The following LRRTM4 variants were observed in gnomAD, a reference collection of about 807,000 sequenced individuals.
LRRTM4 encodes leucine rich repeat transmembrane neuronal 4.
In LRRTM4, 25 loss-of-function variants were observed where a neutral mutation model predicts 47.6. That is an observed-to-expected ratio of 0.53 (90% CI 0.38 to 0.73). The LOEUF (loss-of-function observed/expected upper bound fraction) is 0.73, where lower values mean the gene tolerates loss of function less well. LRRTM4 is among the 30% of genes least tolerant of loss of function. LRRTM4 has a pLI of 0.00. For synonymous variants in LRRTM4, 311 were observed against 269.5 expected, an observed-to-expected ratio of 1.15 and a Z score of -1.51; for missense variants, 638 against 713.4, an observed-to-expected ratio of 0.89 and a Z score of 1.20.
chr2:77,128,907 T>C (rs1441790827), intron 3 of LRRTM4, among the ~76,000 whole-genome samples: 2 of 152,226 alleles, frequency 1.3e-5, no homozygotes, highest in Non-Finnish European at 2.9e-5. Context: ...CCCAAAGTGA[T>C]GGGATTATAG....
chr2:77,279,533 G>A (rs924085312), intron 3 of LRRTM4, among the ~76,000 whole-genome samples: 2 of 151,770 alleles, frequency 1.3e-5, no homozygotes, highest in Admixed American at 1.3e-4. Flanking sequence ...AAAACTATGG[G>A]ATAACATGCT....
intron 3 of LRRTM4, among the ~76,000 whole-genome samples, chr2:77,516,187 T>C (rs1679202222): frequency 6.6e-6 from 1 of 151,922 alleles, no homozygotes; most frequent in Non-Finnish European, 1.5e-5. Context: ...CATTACTTAA[T>C]GCCTTAACAA....
intron 3 of LRRTM4, among the ~76,000 whole-genome samples, chr2:76,997,924 C>T (rs1316860986): frequency 6.6e-6 from 1 of 151,940 alleles, no homozygotes; most frequent in Non-Finnish European, 1.5e-5. Flanking sequence ...ATCTAGGTTG[C>T]ACACTCCTTA....
intron 3 of LRRTM4, among the ~76,000 whole-genome samples, chr2:76,836,705 T>C (rs983323005): frequency 6.6e-6 from 1 of 152,096 alleles, no homozygotes; most frequent in African/African-American, 2.4e-5. Context: ...TTTCTCCAAA[T>C]GCACACATTT....
At chr2:77,459,759 CAAA>C (rs59472827) in intron 3 of LRRTM4, among the ~76,000 whole-genome samples, 87 of 126,296 alleles carry the variant, frequency 6.9e-4, no homozygotes, top group Middle Eastern at 4.4e-3. Context: ...CTGGTTTTAG[CAAA>C]AAAAAAAAAA....
intron 3 of LRRTM4, among the ~76,000 whole-genome samples, chr2:77,174,550 C>T (rs1467315992): frequency 6.6e-6 from 1 of 152,154 alleles, no homozygotes; most frequent in East Asian, 1.9e-4. Flanking sequence ...TTAGCATATG[C>T]AGTCATCACC....
chr2:76,771,870 G>A (rs79949184), intron 3 of LRRTM4, among the ~76,000 whole-genome samples: 5,608 of 152,106 alleles, frequency 0.037, 137 homozygotes, highest in East Asian at 0.088. Flanking sequence ...ACGATGAGGA[G>A]TTTGAGGGAC....
chr2:77,350,710 A>C (rs1429141315), intron 3 of LRRTM4, among the ~76,000 whole-genome samples: 2 of 152,192 alleles, frequency 1.3e-5, no homozygotes, highest in Admixed American at 1.3e-4. Flanking sequence ...AAACAGACTA[A>C]AACAGGACAA....
intron 3 of LRRTM4, among the ~76,000 whole-genome samples, chr2:76,919,195 G>C (rs978821541): frequency 2.6e-5 from 4 of 152,064 alleles, no homozygotes; most frequent in African/African-American, 9.7e-5. Flanking sequence ...GAGGTTGGCA[G>C]TGGGAGTTCA....
chr2:77,424,491 G>T (rs1668866508), intron 3 of LRRTM4, among the ~76,000 whole-genome samples: 2 of 152,100 alleles, frequency 1.3e-5, no homozygotes, highest in South Asian at 4.1e-4. Context: ...GTTAATAATA[G>T]ACATGAAGTA....
intron 3 of LRRTM4, among the ~76,000 whole-genome samples, chr2:76,828,099 T>C (rs1290609372): frequency 2.0e-5 from 3 of 151,960 alleles, no homozygotes; most frequent in Non-Finnish European, 2.9e-5. Flanking sequence ...AATCATTTAT[T>C]TGGTCACTTC....
At chr2:77,250,746 C>T (rs887136317) in intron 3 of LRRTM4, among the ~76,000 whole-genome samples, 3 of 152,122 alleles carry the variant, frequency 2.0e-5, no homozygotes, top group African/African-American at 4.8e-5. Flanking sequence ...CAAAGGCATA[C>T]ATTGTGTGCA....
intron 3 of LRRTM4, among the ~76,000 whole-genome samples, chr2:76,753,339 C>G (rs899207961): frequency 1.6e-4 from 25 of 152,128 alleles, no homozygotes; most frequent in African/African-American, 5.5e-4. Flanking sequence ...TCTGGTTTTA[C>G]TCAACACTGA....
intron 3 of LRRTM4, among the ~76,000 whole-genome samples, chr2:77,306,817 T>A (rs1239837834): frequency 1.3e-5 from 2 of 152,042 alleles, no homozygotes; most frequent in African/African-American, 2.4e-5. Context: ...GTGAAATGTT[T>A]GCAATCATTT....
At chr2:76,774,118 T>C (rs1473141886) in intron 3 of LRRTM4, among the ~76,000 whole-genome samples, 2 of 152,146 alleles carry the variant, frequency 1.3e-5, no homozygotes, top group African/African-American at 4.8e-5. Flanking sequence ...ATATATATTT[T>C]GTATATTATA....
intron 3 of LRRTM4, among the ~76,000 whole-genome samples, chr2:76,808,615 T>C (rs1670633973): frequency 6.6e-6 from 1 of 152,208 alleles, no homozygotes; most frequent in African/African-American, 2.4e-5. Context: ...ACATTTTTTA[T>C]CTTTTAGCAC....
intron 3 of LRRTM4, among the ~76,000 whole-genome samples, chr2:77,073,064 C>T (rs1046275400): frequency 2.0e-5 from 3 of 152,022 alleles, no homozygotes; most frequent in African/African-American, 7.2e-5. Flanking sequence ...AATCTGCATC[C>T]CAGACCAGTG....
At chr2:77,047,656 G>A (rs569134939) in intron 3 of LRRTM4, among the ~76,000 whole-genome samples, 2 of 152,064 alleles carry the variant, frequency 1.3e-5, no homozygotes, top group Admixed American at 1.3e-4. Context: ...TGGATTAATG[G>A]TCTACCCTAC....
chr2:77,332,902 G>C (rs1671021491), intron 3 of LRRTM4, among the ~76,000 whole-genome samples: 1 of 152,090 alleles, frequency 6.6e-6, no homozygotes, highest in African/African-American at 2.4e-5. Context: ...ACCTCATCTT[G>C]AACTGTAACT....
Sources: allele counts gnomAD v4.1 joint callset (sites outside exome capture counted in the v4.1 genomes callset), GRCh38; gene constraint gnomAD v4.1.1; transcripts MANE v1.5; gene names NCBI Gene and HGNC (gene_info 2026-07-23, HGNC 2026-07-21).